The following HIPK2 variants were observed in gnomAD, a reference collection of about 807,000 sequenced individuals.
HIPK2 encodes homeodomain-interacting protein kinase 2.
In HIPK2, 27 loss-of-function variants were observed where a neutral mutation model predicts 113.7. The observed-to-expected ratio is 0.24, with a 90% CI of 0.17 to 0.33. The LOEUF is 0.33. HIPK2 is among the 10% of genes least tolerant of loss of function. The pLI, the probability that HIPK2 is intolerant of heterozygous loss-of-function variation, is 1.00. For missense variants in HIPK2, 1,257 were observed against 1,588.0 expected, an observed-to-expected ratio of 0.79 and a Z score of 3.54; for synonymous variants, 631 against 642.2, an observed-to-expected ratio of 0.98 and a Z score of 0.26.
chr7:139,642,573 G>T (rs1569462220), intron 2 of HIPK2, among the ~76,000 whole-genome samples: 1 of 152,204 alleles, frequency 6.6e-6, no homozygotes, highest in Non-Finnish European at 1.5e-5. Context: ...GGATCCAGAA[G>T]GTCCAAGTGG....
chr7:139,746,707 C>T (rs1796196802), intron 1 of HIPK2, among the ~76,000 whole-genome samples: 1 of 152,170 alleles, frequency 6.6e-6, no homozygotes, highest in South Asian at 2.1e-4. Flanking sequence ...AACTAAAACT[C>T]CTGCCCTCCA....
At chr7:139,605,313 T>C (rs1224123077) in intron 9 of HIPK2, among the ~76,000 whole-genome samples, 1 of 151,972 alleles carries the variant, frequency 6.6e-6, no homozygotes, top group Admixed American at 6.6e-5. Flanking sequence ...CTGCTTGTCT[T>C]TGGTCATTAG....
At position 139,736,742 on chromosome 7, in the gene HIPK2, A is replaced by G. The variant is rs137891926; in HGVS notation, c.20-19727T>C. Among the ~76,000 whole-genome samples, 392 of 152,358 alleles carry G rather than the reference A, an allele frequency of 2.6e-3. 3 individuals carry two copies. The highest frequency in any genetic ancestry group is 8.9e-3 in the African/African-American group (372 of 41,572). On this transcript the variant is annotated intron_variant, in intron 1 of 14. Coordinates refer to ENST00000406875, the MANE Select transcript of HIPK2 (RefSeq NM_022740.5). Reference sequence around the variant, plus strand: ...CTACAAAACACAGCAACCCTTGCGGAACCACAAAGGCCAATCAAAGCCATT... The same window carrying G: ...CTACAAAACACAGCAACCCTTGCGGGACCACAAAGGCCAATCAAAGCCATT...
chr7:139,745,497 G>A (rs780059257), intron 1 of HIPK2, among the ~76,000 whole-genome samples: 16 of 152,226 alleles, frequency 1.1e-4, no homozygotes, highest in Non-Finnish European at 2.2e-4. Flanking sequence ...TGCAACCGCA[G>A]GGCCTCGAGG....
At chr7:139,762,566 C>T (rs1796484270) in intron 1 of HIPK2, among the ~76,000 whole-genome samples, 1 of 152,222 alleles carries the variant, frequency 6.6e-6, no homozygotes, top group Admixed American at 6.5e-5. Context: ...TACACGTGCA[C>T]ACCCATTTAC....
intron 9 of HIPK2, among the ~76,000 whole-genome samples, chr7:139,606,612 T>C (rs1799624688): frequency 6.6e-6 from 1 of 152,180 alleles, no homozygotes; most frequent in Non-Finnish European, 1.5e-5. Flanking sequence ...AGATCCTTGG[T>C]GTACATGCTT....
chr7:139,654,183 T>C (rs2116493941), intron 2 of HIPK2, among the ~76,000 whole-genome samples: 1 of 152,306 alleles, frequency 6.6e-6, no homozygotes, highest in Non-Finnish European at 1.5e-5. Flanking sequence ...TAAAAGCTGC[T>C]GCTATACAAG....
intron 1 of HIPK2, among the ~76,000 whole-genome samples, chr7:139,720,157 A>T (rs1795367281): frequency 6.6e-6 from 1 of 152,086 alleles, no homozygotes; most frequent in African/African-American, 2.4e-5. Context: ...CTATTCCTTT[A>T]CCTGGCATGC....
intron 2 of HIPK2, among the ~76,000 whole-genome samples, chr7:139,687,839 G>A (rs1794273117): frequency 6.6e-6 from 1 of 152,160 alleles, no homozygotes; most frequent in Admixed American, 6.5e-5. Context: ...AATATTCTGG[G>A]GCAGTTTGGG....
intron 2 of HIPK2, among the ~76,000 whole-genome samples, chr7:139,709,908 A>G (rs1195505174): frequency 1.3e-5 from 2 of 152,232 alleles, no homozygotes. Context: ...CTCTAAGTCA[A>G]TTCTGCAATC....
chr7:139,724,645 AG>A (rs1433286629), intron 1 of HIPK2, among the ~76,000 whole-genome samples: 1 of 151,330 alleles, frequency 6.6e-6, no homozygotes, highest in Non-Finnish European at 1.5e-5. Flanking sequence ...CTCGTCATTT[AG>A]CATTAGGTAT....
At chr7:139,753,425 A>G (rs1796312344) in intron 1 of HIPK2, among the ~76,000 whole-genome samples, 1 of 152,226 alleles carries the variant, frequency 6.6e-6, no homozygotes, top group African/African-American at 2.4e-5. Context: ...TCTAAGGATG[A>G]ACCACACCAT....
chr7:139,736,532 G>T (rs1374639389), intron 1 of HIPK2, among the ~76,000 whole-genome samples: 1 of 152,192 alleles, frequency 6.6e-6, no homozygotes, highest in East Asian at 1.9e-4. Context: ...CCTCTGCTCT[G>T]CCCTGATTCC....
intron 1 of HIPK2, among the ~76,000 whole-genome samples, chr7:139,769,230 C>G (rs1031243024): frequency 2.0e-5 from 3 of 152,198 alleles, no homozygotes; most frequent in Admixed American, 1.3e-4. Flanking sequence ...AACAGCAGCC[C>G]TGCCCCAACT....
At chr7:139,759,918 T>C (rs1485911221) in intron 1 of HIPK2, among the ~76,000 whole-genome samples, 1 of 152,164 alleles carries the variant, frequency 6.6e-6, no homozygotes, top group Non-Finnish European at 1.5e-5. Context: ...TTAATTATTT[T>C]AACTTTCCAA....
At chr7:139,759,310 A>T (rs1434225166) in intron 1 of HIPK2, among the ~76,000 whole-genome samples, 1 of 152,230 alleles carries the variant, frequency 6.6e-6, no homozygotes, top group East Asian at 1.9e-4. Context: ...TTCTAGGGAA[A>T]CAGGCACTTT....
intron 13 of HIPK2, among the ~76,000 whole-genome samples, chr7:139,582,063 A>T (rs760730699): frequency 4.6e-5 from 7 of 152,198 alleles, no homozygotes; most frequent in Non-Finnish European, 7.4e-5. Context: ...GGTGCCTCCC[A>T]GGGCCCTTTG....
intron 10 of HIPK2, 60 bp from the exon 11 acceptor site, chr7:139,600,656 A>G (rs1033761208): frequency 1.4e-5 from 22 of 1,561,080 alleles, no homozygotes; most frequent in East Asian, 9.0e-5. Context: ...GAGCTCCTCT[A>G]TAAGATCAAG....
At chr7:139,666,806 T>C (rs1414880276) in intron 2 of HIPK2, among the ~76,000 whole-genome samples, 1 of 152,228 alleles carries the variant, frequency 6.6e-6, no homozygotes, top group Non-Finnish European at 1.5e-5. Flanking sequence ...CTCACACCTA[T>C]AATCCTAGCA....
Sources: allele counts gnomAD v4.1 joint callset (sites outside exome capture counted in the v4.1 genomes callset), GRCh38; gene constraint gnomAD v4.1.1; transcripts MANE v1.5; gene names NCBI Gene and HGNC (gene_info 2026-07-23, HGNC 2026-07-21).